The following RGPD8 variants were observed in gnomAD, a reference collection of about 807,000 sequenced individuals.
RGPD8 encodes RANBP2-like and GRIP domain-containing protein 8.
A neutral mutation model predicts 89.1 loss-of-function variants in RGPD8; 15 were observed. That is an observed-to-expected ratio of 0.17 (90% CI 0.11 to 0.26). The LOEUF (loss-of-function observed/expected upper bound fraction) is 0.26. RGPD8 is among the 10% of genes least tolerant of loss of function. RGPD8 has a pLI of 1.00. For missense variants in RGPD8, 178 were observed against 1,179.6 expected, an observed-to-expected ratio of 0.15 and a Z score of 12.44; for synonymous variants, 62 against 420.9, an observed-to-expected ratio of 0.15 and a Z score of 10.44.
chr2:112,411,270 A>G lies in RGPD8; in HGVS notation c.978+1161T>C, dbSNP rs1162275341. 5.4e-5 allele frequency among the ~76,000 whole-genome samples: 8 copies of G among 149,356 alleles called. No homozygotes were observed. The South Asian group carries it at 1.3e-3, about 24-fold the overall frequency. Reference sequence around the variant, plus strand: ...AAAGTTATGCAAGCTCATTAAAAAAAAAAAAAAAAAAAAAAGGCCAGGCAT... The same window carrying G: ...AAAGTTATGCAAGCTCATTAAAAAAGAAAAAAAAAAAAAAAGGCCAGGCAT... On this transcript the variant is annotated intron_variant, in intron 7 of 22. Coordinates refer to ENST00000302558, the MANE Select transcript of RGPD8 (RefSeq NM_001164463.1).
intron 14 of RGPD8, 117 bp downstream of exon 14, chr2:112,399,510 GGTTGC>G: frequency 1.5e-6 from 1 of 672,820 alleles, no homozygotes; most frequent in East Asian, 3.3e-5. Context: ...GGGAAGCAGA[GGTTGC>G]AGTGAGCCAA....
chr2:112,415,875 G>A (rs1294345426), intron 6 of RGPD8, among the ~76,000 whole-genome samples: 2 of 144,362 alleles, frequency 1.4e-5, no homozygotes, highest in East Asian at 1.9e-4. Context: ...GCAAGACTCA[G>A]TCTCAAAAAA....
intron 1 of RGPD8, among the ~76,000 whole-genome samples, chr2:112,429,312 AGGCTGG>A (rs1679914051): frequency 6.9e-6 from 1 of 144,182 alleles, no homozygotes; most frequent in Admixed American, 7.1e-5. Context: ...TCCCAGCTAC[AGGCTGG>A]GGCAGGAGAA....
At position 112,414,473 on chromosome 2, in the gene RGPD8, G is replaced by A. The variant is rs1205454234; in HGVS notation, c.783-1847C>T. Among the ~76,000 whole-genome samples, 41 of 109,032 alleles carry A rather than the reference G, an allele frequency of 3.8e-4. 2 individuals carry two copies. Among genetic ancestry groups the A allele is most frequent in the Middle Eastern group, 4.9e-3 (1 of 206 alleles). The allele number at this position is 109,032 out of a possible 152,430, so 71.5% of individuals were successfully genotyped here. On this transcript the variant is annotated intron_variant, in intron 6 of 22. Transcript: ENST00000302558. Reference sequence around the variant, plus strand: ...GCCTGGGCAACAAGAGCAAAACTCCGTCTCAAAAAAAAAAAAAAAAAGCTA... The same window carrying A: ...GCCTGGGCAACAAGAGCAAAACTCCATCTCAAAAAAAAAAAAAAAAAGCTA...
chr2:112,425,845 A>T (rs1467051020), intron 1 of RGPD8, among the ~76,000 whole-genome samples: 1 of 152,044 alleles, frequency 6.6e-6, no homozygotes, highest in Non-Finnish European at 1.5e-5. Flanking sequence ...CTTATTTTTG[A>T]AATTCCAAGA....
chr2:112,433,532 G>A lies in RGPD8; in HGVS notation c.-79C>T. ...CAGTCGCCACTTCCAAGAGGAAAGT[G>A]CCTGCAAGCCACTGAAGCAGCGGCG... On this transcript the variant is annotated 5_prime_UTR_variant, in exon 1 of 23. Coordinates refer to ENST00000302558, the MANE Select transcript of RGPD8 (RefSeq NM_001164463.1). 7.0e-7 allele frequency: 1 copy of A among 1,424,994 alleles called. No homozygotes were observed. The highest frequency in any genetic ancestry group is 9.5e-7 in the Non-Finnish European group (1 of 1,048,254). The allele number at this position is 1,424,994 out of a possible 1,614,324, so 88.3% of individuals were successfully genotyped here.
chr2:112,419,623 G>T (rs1175434385), intron 4 of RGPD8, among the ~76,000 whole-genome samples: 2 of 152,264 alleles, frequency 1.3e-5, no homozygotes, highest in African/African-American at 4.8e-5. Context: ...CAGGAAAGGT[G>T]TAACAGTGCC....
chr2:112,432,731 G>C (rs1263127868), intron 1 of RGPD8: 35 of 985,306 alleles, frequency 3.6e-5, no homozygotes, highest in South Asian at 1.4e-4. Context: ...CAGAAAGCCC[G>C]GGCCAGGGCG....
At chr2:112,427,067 T>C (rs962470689) in intron 1 of RGPD8, among the ~76,000 whole-genome samples, 1 of 152,018 alleles carries the variant, frequency 6.6e-6, no homozygotes, top group Non-Finnish European at 1.5e-5. Context: ...AGTGCTGGGA[T>C]TACAGGCATC....
At chr2:112,432,195 T>A (rs1558993944) in intron 1 of RGPD8, among the ~76,000 whole-genome samples, 2 of 152,306 alleles carry the variant, frequency 1.3e-5, no homozygotes, top group Admixed American at 6.5e-5. Context: ...CCGTCACTCT[T>A]TAGATCCAAT....
intron 2 of RGPD8, among the ~76,000 whole-genome samples, chr2:112,423,682 G>A (rs867569682): frequency 1.3e-4 from 18 of 142,688 alleles, no homozygotes; most frequent in East Asian, 2.1e-4. Context: ...CACTCCAGCC[G>A]GAGCAAGAGA....
Position 112,404,178 on chromosome 2 carries a change from G to GAA in RGPD8, c.1067-5_1067-4dup. On this transcript the variant is annotated splice_region_variant and splice_polypyrimidine_tract_variant and intron_variant, in intron 8 of 22. Transcript: ENST00000302558. ...ACTTAAGCTTAGCAACATGTGCCCT[G>GAA]AAAAAAAAATTTAAGTTATTTCCAT... is the stretch of plus-strand genomic sequence containing the variant. 1.9e-6 allele frequency: 1 copy of GAA among 515,912 alleles called. No homozygotes were observed. The allele number at this position is 515,912 out of a possible 1,614,324, so 32.0% of individuals were successfully genotyped here. A position where few individuals can be genotyped will look rare whatever the true frequency, so the allele number is the denominator to read the frequency against.
In RGPD8 at chr2:112,422,516, T is replaced by C. The variant is rs2458991; in HGVS notation, c.252+32A>G. The C allele has an allele frequency of 7.1e-5, 115 of 1,608,430 alleles. 2 individuals are homozygous for C. In the Admixed American group the frequency reaches 1.1e-3, roughly 16 times the overall value. ...TCTCTGGGCATCATGTGTTTGGCTATGCAAAGGCTATATTTGAATCCTATA... is the reference window on the plus strand; with the variant it reads ...TCTCTGGGCATCATGTGTTTGGCTACGCAAAGGCTATATTTGAATCCTATA... On this transcript the variant is annotated intron_variant, in intron 3 of 22. Transcript: ENST00000302558.
chr2:112,432,259 A>G (rs185824973), intron 1 of RGPD8, among the ~76,000 whole-genome samples: 2 of 152,326 alleles, frequency 1.3e-5, no homozygotes, highest in African/African-American at 4.8e-5. Context: ...TGTAAAGAGG[A>G]AAAATACCCT....
chr2:112,423,867 C>G (rs1188787236), intron 2 of RGPD8, among the ~76,000 whole-genome samples: 1 of 152,242 alleles, frequency 6.6e-6, no homozygotes, highest in African/African-American at 2.4e-5. Context: ...TCCTGCCTTA[C>G]AATTACAGTT....
At chr2:112,373,078 A>AT (rs1276858627) in intron 22 of RGPD8, among the ~76,000 whole-genome samples, 3 of 148,572 alleles carry the variant, frequency 2.0e-5, no homozygotes, top group Non-Finnish European at 2.9e-5. Flanking sequence ...TGAGATTCAA[A>AT]TTTTGCATAT....
intron 1 of RGPD8, among the ~76,000 whole-genome samples, chr2:112,432,837 C>T (rs539782764): frequency 6.6e-6 from 1 of 152,364 alleles, no homozygotes; most frequent in East Asian, 1.9e-4. Flanking sequence ...CAGGACTCTT[C>T]CTGCGCTTGC....
Position 112,390,796 on chromosome 2 carries a change from A to G in RGPD8, c.2697+179T>C, listed in dbSNP as rs1282612438. Among the ~76,000 whole-genome samples, 6 of 145,406 alleles carry G rather than the reference A, an allele frequency of 4.1e-5. No homozygotes were observed. The East Asian group carries it at 1.2e-3, about 28-fold the overall frequency. ...ATATTCTAAATATTCACACTTATTAACACAAAAATAAGGTGACTGAGAAGG... is the reference window on the plus strand; with the variant it reads ...ATATTCTAAATATTCACACTTATTAGCACAAAAATAAGGTGACTGAGAAGG... On this transcript the variant is annotated intron_variant, in intron 19 of 22. Transcript: ENST00000302558.
Position 112,390,098 on chromosome 2 carries a change from C to T in RGPD8, c.2847G>A (p.Gln949=). 1.2e-6 allele frequency: 2 copies of T among 1,602,780 alleles called. No individual in the cohort carries two copies. The highest frequency in any genetic ancestry group is 1.7e-6 in the Non-Finnish European group (2 of 1,175,094). The part of the protein sequence containing the change: ...PLENDTGLQA[Q]DIRGRKKGRG... Reference sequence around the variant, plus strand: ...GGCCCTTCTTCCGGCCCCTAATATCCTGAGCCTGTAAGCCAGTATCATTTT... The same window carrying T: ...GGCCCTTCTTCCGGCCCCTAATATCTTGAGCCTGTAAGCCAGTATCATTTT... Residue 949 remains glutamine, a synonymous_variant, in exon 20 of 23, where the codon CAG becomes CAA. Coordinates refer to ENST00000302558, the MANE Select transcript of RGPD8 (RefSeq NM_001164463.1).
Sources: allele counts gnomAD v4.1 joint callset (sites outside exome capture counted in the v4.1 genomes callset), GRCh38; gene constraint gnomAD v4.1.1; transcripts MANE v1.5; gene names NCBI Gene and HGNC (gene_info 2026-07-23, HGNC 2026-07-21).